Variants in LRRN2 observed in about 807,000 individuals in gnomAD.
LRRN2 encodes leucine-rich repeat neuronal protein 2.
A neutral mutation model predicts 35.7 loss-of-function variants in LRRN2; 10 were observed. That is an observed-to-expected ratio of 0.28 (90% CI 0.17 to 0.47). The LOEUF is 0.47. Among genes scored for constraint, LRRN2 ranks in the 20% least tolerant of loss-of-function variants. The pLI, the probability that LRRN2 is intolerant of heterozygous loss-of-function variation, is 0.99. For synonymous variants in LRRN2, 391 were observed against 409.6 expected (o/e 0.95, Z 0.55); for missense variants, 731 against 940.3 (o/e 0.78, Z 2.91).
At chr1:204,627,331 GGGCT>G (rs1331182016) in intron 1 of LRRN2, 4 of 152,214 alleles carry the variant, frequency 2.6e-5, no homozygotes, top group Non-Finnish European at 5.9e-5. Flanking sequence ...CTGACCTCCA[GGGCT>G]GTCATGGTGG....
chr1:204,639,288 T>C (rs1667929092), intron 1 of LRRN2, among the ~76,000 whole-genome samples: 1 of 152,182 alleles, frequency 6.6e-6, no homozygotes, highest in South Asian at 2.1e-4. Flanking sequence ...GGTGCTGCCC[T>C]CCAGACATGT....
intron 1 of LRRN2, among the ~76,000 whole-genome samples, chr1:204,630,555 G>A (rs1436542620): frequency 6.6e-6 from 1 of 151,484 alleles, no homozygotes; most frequent in Non-Finnish European, 1.5e-5. Context: ...TCTCGGGGGC[G>A]CTGCCTGCTC....
rs1463603730 is a variant in LRRN2, at chr1:204,617,926, G to A, written c.2067C>T (p.Pro689=). 6.2e-6 allele frequency: 10 copies of A among 1,613,930 alleles called. No homozygotes were observed. Among genetic ancestry groups the A allele is most frequent in the Admixed American group, 5.0e-5 (3 of 60,012 alleles). ...TGGGCAGCTTCCTCCCTGGATTCCA[G>A]GGCAGGACGAGGGGAGCAGACACAA... ...VRVVSAPLVL[P]WNPGRKLPRS... is the part of the protein sequence containing the mutation. Residue 689 remains proline, a synonymous_variant, in exon 2 of 2, where the codon CCC becomes CCT. Transcript: ENST00000367177.
intron 1 of LRRN2, among the ~76,000 whole-genome samples, chr1:204,665,865 A>C (rs1296699483): frequency 6.6e-6 from 1 of 152,186 alleles, no homozygotes; most frequent in East Asian, 1.9e-4. Context: ...GCCCCCACTG[A>C]GTGAAAATAA....
chr1:204,660,373 C>T (rs552950536), intron 1 of LRRN2, among the ~76,000 whole-genome samples: 7 of 152,288 alleles, frequency 4.6e-5, no homozygotes, highest in African/African-American at 1.4e-4. Context: ...CTGGGAGTTC[C>T]TTAAGGGCAG....
At chr1:204,661,775 C>A (rs780787389) in intron 1 of LRRN2, among the ~76,000 whole-genome samples, 3 of 152,138 alleles carry the variant, frequency 2.0e-5, no homozygotes, top group Non-Finnish European at 4.4e-5. Context: ...AGAGAAAGTA[C>A]GGTGAGGACA....
chr1:204,631,007 G>T (rs1667677021), intron 1 of LRRN2, among the ~76,000 whole-genome samples: 1 of 151,690 alleles, frequency 6.6e-6, no homozygotes, highest in Non-Finnish European at 1.5e-5. Flanking sequence ...TCATACTGTA[G>T]TCCCCGGACC....
At chr1:204,638,292 C>T (rs1401957042) in intron 1 of LRRN2, among the ~76,000 whole-genome samples, 2 of 151,894 alleles carry the variant, frequency 1.3e-5, no homozygotes, top group African/African-American at 4.8e-5. Context: ...ATTTTGTGCA[C>T]CATTTCATTG....
chr1:204,658,065 C>T (rs1320014882), intron 1 of LRRN2, among the ~76,000 whole-genome samples: 1 of 150,580 alleles, frequency 6.6e-6, no homozygotes, highest in African/African-American at 2.4e-5. Flanking sequence ...GTAACCTCCA[C>T]CTCCCAGTTT....
chr1:204,643,175 C>T (rs749249476), intron 1 of LRRN2, among the ~76,000 whole-genome samples: 2 of 152,128 alleles, frequency 1.3e-5, no homozygotes, highest in African/African-American at 2.4e-5. Flanking sequence ...CAGGAGCTTA[C>T]GAACAGAGAA....
intron 1 of LRRN2, among the ~76,000 whole-genome samples, chr1:204,630,351 C>T (rs1319029938): frequency 3.9e-5 from 6 of 151,916 alleles, no homozygotes; most frequent in Non-Finnish European, 8.8e-5. Context: ...TGGGCTCTGG[C>T]GGCTGAGGAG....
intron 1 of LRRN2, among the ~76,000 whole-genome samples, chr1:204,647,155 T>TAAAAAAAAAAAAA (rs11284966): frequency 7.0e-6 from 1 of 142,826 alleles, no homozygotes. Flanking sequence ...GCAAGGAGGT[T>TAAAAAAAAAAAAA]AAAAAAAAAA....
chr1:204,640,196 G>A (rs1571652599), intron 1 of LRRN2, among the ~76,000 whole-genome samples: 1 of 152,278 alleles, frequency 6.6e-6, no homozygotes, highest in East Asian at 1.9e-4. Context: ...CCGCTTCCTG[G>A]TTGATGGATG....
At chr1:204,620,298 CAG>C (rs1272200620) in intron 1 of LRRN2, 80 bp from the exon 2 acceptor site, 9 of 1,033,962 alleles carry the variant, frequency 8.7e-6, no homozygotes, top group Non-Finnish European at 1.2e-5. Flanking sequence ...TTGTTTGAGA[CAG>C]AGTCTCATTC....
At chr1:204,637,131 C>A (rs904523356) in intron 1 of LRRN2, among the ~76,000 whole-genome samples, 5 of 151,906 alleles carry the variant, frequency 3.3e-5, no homozygotes, top group African/African-American at 1.2e-4. Context: ...CTTTACTGTG[C>A]GGTATGTTGG....
At chr1:204,673,001 G>A (rs936051661) in intron 1 of LRRN2, among the ~76,000 whole-genome samples, 3 of 152,122 alleles carry the variant, frequency 2.0e-5, no homozygotes, top group Non-Finnish European at 4.4e-5. Context: ...AGAGATCCAC[G>A]TAAGATCCAC....
intron 1 of LRRN2, among the ~76,000 whole-genome samples, chr1:204,656,864 G>C (rs1417264833): frequency 3.9e-5 from 6 of 152,080 alleles, no homozygotes; most frequent in Admixed American, 3.9e-4. Context: ...ATTGTGCTGG[G>C]CACCTAATGG....
intron 1 of LRRN2, among the ~76,000 whole-genome samples, chr1:204,638,429 TGAGACGGAG>T (rs1667894656): frequency 6.9e-6 from 1 of 144,798 alleles, no homozygotes; most frequent in Non-Finnish European, 1.5e-5. Context: ...TTTTTTTTTT[TGAGACGGAG>T]TCTCGCTCTG....
At chr1:204,676,194 C>T (rs991386098) in intron 1 of LRRN2, among the ~76,000 whole-genome samples, 1 of 150,166 alleles carries the variant, frequency 6.7e-6, no homozygotes, top group Non-Finnish European at 1.5e-5. Context: ...GCACACTTTA[C>T]CTGTTGCAAA....
Sources: gnomAD v4.1 joint callset for allele counts (sites outside exome capture counted in the v4.1 genomes callset) on GRCh38, gnomAD v4.1.1 for gene constraint, MANE v1.5 for transcripts, NCBI Gene and HGNC (gene_info 2026-07-23, HGNC 2026-07-21) for gene names.